Variants in PRKN observed in about 807,000 individuals in gnomAD.
PRKN encodes the protein E3 ubiquitin-protein ligase parkin.
Under a neutral mutation model 59.5 loss-of-function variants are expected in PRKN, and 56 were observed. The observed-to-expected ratio is 0.94, with a 90% confidence interval of 0.76 to 1.18. PRKN has a LOEUF of 1.18. Among genes scored for constraint, PRKN ranks in the 50% most tolerant of loss-of-function variants. The probability of loss-of-function intolerance (pLI) is 0.00; values close to 1 mark genes in which losing one functional copy is unlikely to be tolerated. For missense variants in PRKN, 657 were observed against 596.4 expected (o/e 1.10, Z -1.06); for synonymous variants, 250 against 222.1 (o/e 1.13, Z -1.12).
intron 2 of PRKN, among the ~76,000 whole-genome samples, chr6:162,347,100 A>G (rs987953742): frequency 2.7e-5 from 4 of 150,282 alleles, no homozygotes; most frequent in African/African-American, 4.9e-5. Flanking sequence ...TATTATATTT[A>G]TTATATTTAT....
chr6:162,714,233 A>T (rs993679906), intron 1 of PRKN, among the ~76,000 whole-genome samples: 8 of 152,182 alleles, frequency 5.3e-5, no homozygotes, highest in African/African-American at 1.9e-4. Flanking sequence ...CTGATTTACA[A>T]GAAAAACGTT....
intron 4 of PRKN, among the ~76,000 whole-genome samples, chr6:162,180,890 C>T (rs1336624793): frequency 1.3e-5 from 2 of 152,108 alleles, no homozygotes; most frequent in Non-Finnish European, 2.9e-5. Flanking sequence ...ACACAACAGC[C>T]CCAGCTAGAC....
chr6:162,667,196 T>A (rs1442848009), intron 1 of PRKN, among the ~76,000 whole-genome samples: 1 of 152,114 alleles, frequency 6.6e-6, no homozygotes, highest in Non-Finnish European at 1.5e-5. Context: ...AGATTATATT[T>A]CTGTGCGTGA....
intron 6 of PRKN, among the ~76,000 whole-genome samples, chr6:161,865,071 TG>T (rs1203628824): frequency 3.3e-5 from 5 of 152,204 alleles, no homozygotes; most frequent in African/African-American, 9.6e-5. Context: ...GGCTGCAGAA[TG>T]GGTGTTGTGT....
chr6:162,074,604 A>G (rs1778734488), intron 4 of PRKN, among the ~76,000 whole-genome samples: 2 of 130,672 alleles, frequency 1.5e-5, no homozygotes, highest in African/African-American at 2.9e-5. Context: ...CAATGTGCAC[A>G]TGTACCCTAA....
chr6:161,395,872 G>A lies in PRKN; in HGVS notation c.1084-8995C>T, dbSNP rs996496954. Among the ~76,000 whole-genome samples the A allele has an allele frequency of 6.6e-6, 1 of 152,182 alleles. No individual in the cohort carries two copies. Among genetic ancestry groups the A allele is most frequent in the African/African-American group, 2.4e-5 (1 of 41,432 alleles). On this transcript the variant is annotated intron_variant, in intron 9 of 11. Coordinates refer to ENST00000366898, the MANE Select transcript of PRKN (RefSeq NM_004562.3). This position sits in a 1 kb window ranked among gnomAD's most constrained non-coding sequence, Gnocchi z 5.0. ...ATTCTGATGGGCCTGAATCTGGCCC[G>A]CCTGCCAGGAAAGGACTTGTAATGA...
At chr6:161,368,037 T>C (rs1785279942) in intron 10 of PRKN, among the ~76,000 whole-genome samples, 1 of 151,992 alleles carries the variant, frequency 6.6e-6, no homozygotes, top group Admixed American at 6.5e-5. Context: ...CCTGTCATTA[T>C]CAAGTCACAT....
At chr6:162,162,237 C>T (rs937261423) in intron 4 of PRKN, among the ~76,000 whole-genome samples, 4 of 152,174 alleles carry the variant, frequency 2.6e-5, no homozygotes, top group African/African-American at 9.7e-5. Context: ...GCACATGCCA[C>T]CATACCTGGC....
rs144318900 is a variant in PRKN, at chr6:161,972,655, C to T, written c.734+647G>A. Among the ~76,000 whole-genome samples, 82 of 152,258 alleles carry T rather than the reference C, an allele frequency of 5.4e-4. No individual in the cohort carries two copies. The East Asian group carries it at 0.015, about 28-fold the overall frequency. On this transcript the variant is annotated intron_variant, in intron 6 of 11. Coordinates refer to ENST00000366898, the MANE Select transcript of PRKN (RefSeq NM_004562.3). ...TGCGAAGCCTCAGCATAAATATAGGCAAATATGGAGAACTGAAATGTATGG... is the reference window on the plus strand; with the variant it reads ...TGCGAAGCCTCAGCATAAATATAGGTAAATATGGAGAACTGAAATGTATGG...
chr6:162,131,125 T>A (rs915686593), intron 4 of PRKN, among the ~76,000 whole-genome samples: 1 of 152,184 alleles, frequency 6.6e-6, no homozygotes, highest in Non-Finnish European at 1.5e-5. Context: ...CCCACCACCA[T>A]GACAGCCTTG....
chr6:161,923,139 T>C (rs1778844422), intron 6 of PRKN, among the ~76,000 whole-genome samples: 1 of 152,174 alleles, frequency 6.6e-6, no homozygotes, highest in Non-Finnish European at 1.5e-5. Context: ...GGTCACTCCA[T>C]AGCATACAAT....
intron 3 of PRKN, among the ~76,000 whole-genome samples, chr6:162,206,484 G>A (rs1042999610): frequency 1.3e-5 from 2 of 152,146 alleles, no homozygotes; most frequent in African/African-American, 2.4e-5. Flanking sequence ...GGTGGTTTCA[G>A]CTCCTTCCCT....
intron 1 of PRKN, among the ~76,000 whole-genome samples, chr6:162,688,739 G>C (rs1385696691): frequency 6.6e-6 from 1 of 152,154 alleles, no homozygotes; most frequent in African/African-American, 2.4e-5. Flanking sequence ...CTCCAGTAAA[G>C]AGTTTTATTT....
intron 5 of PRKN, among the ~76,000 whole-genome samples, chr6:162,026,238 T>G (rs1006373711): frequency 6.6e-6 from 1 of 152,210 alleles, no homozygotes; most frequent in Admixed American, 6.5e-5. Flanking sequence ...CGCGTATTCA[T>G]AGACACATGA....
At chr6:162,606,453 T>C (rs1781916780) in intron 1 of PRKN, among the ~76,000 whole-genome samples, 2 of 152,226 alleles carry the variant, frequency 1.3e-5, no homozygotes, top group South Asian at 4.1e-4. Context: ...GCTGTATGGG[T>C]ACTTGAAGTA....
intron 6 of PRKN, among the ~76,000 whole-genome samples, chr6:161,887,076 C>T (rs1322737919): frequency 6.6e-6 from 1 of 152,158 alleles, no homozygotes; most frequent in Non-Finnish European, 1.5e-5. Flanking sequence ...TATATTCTCT[C>T]CCAATAATGA....
At position 161,488,736 on chromosome 6, in the gene PRKN, TG is replaced by T. The variant is rs1777433397; in HGVS notation, c.1083+60117del. On this transcript the variant is annotated intron_variant, in intron 9 of 11. Coordinates refer to ENST00000366898, the MANE Select transcript of PRKN (RefSeq NM_004562.3). This position sits in a 1 kb window ranked among gnomAD's most constrained non-coding sequence, Gnocchi z 4.5. ...TCGGCCTCAAGTGATCCTCCCACCT[TG>T]GCCTCCTGAAGTGTTGGGATTACAG... is the stretch of plus-strand genomic sequence containing the variant. Among the ~76,000 whole-genome samples the T allele has an allele frequency of 1.3e-5, 2 of 152,190 alleles. No homozygotes were observed. The highest frequency in any genetic ancestry group is 4.2e-4 in the South Asian group (2 of 4,812).
At position 161,354,334 on chromosome 6, in the gene PRKN, T is replaced by C. The variant is rs992762283; in HGVS notation, c.1286-4123A>G. Among the ~76,000 whole-genome samples, 2 of 152,194 alleles carry C rather than the reference T, an allele frequency of 1.3e-5. No individual in the cohort carries two copies. The highest frequency in any genetic ancestry group is 2.9e-5 in the Non-Finnish European group (2 of 68,038). On this transcript the variant is annotated intron_variant, in intron 11 of 11. Coordinates refer to ENST00000366898, the MANE Select transcript of PRKN (RefSeq NM_004562.3). This position sits in a 1 kb window ranked among gnomAD's most constrained non-coding sequence, Gnocchi z 6.7. ...GACATGAAGGGAATATGGCTTCCTTTGTAGTGAGTTCTGTCTGCAGATGGA... is the reference window on the plus strand; with the variant it reads ...GACATGAAGGGAATATGGCTTCCTTCGTAGTGAGTTCTGTCTGCAGATGGA...
chr6:161,699,229 G>T (rs1786148538), intron 7 of PRKN, among the ~76,000 whole-genome samples: 1 of 152,152 alleles, frequency 6.6e-6, no homozygotes, highest in African/African-American at 2.4e-5. Context: ...TGTTGAGAAT[G>T]AGGTGGAGGA....
Sources: allele counts gnomAD v4.1 joint callset (sites outside exome capture counted in the v4.1 genomes callset), GRCh38; gene constraint gnomAD v4.1.1; non-coding constraint Gnocchi (gnomAD v3.1); transcripts MANE v1.5; gene names NCBI Gene and HGNC (gene_info 2026-07-23, HGNC 2026-07-21).